The following NDST4 variants were observed in gnomAD, a reference collection of about 807,000 sequenced individuals.
The protein encoded by NDST4 is N-deacetylase and N-sulfotransferase 4.
Under a neutral mutation model 100.8 loss-of-function variants are expected in NDST4, and 63 were observed. The ratio of observed to expected loss-of-function variants is 0.62; its 90% CI spans 0.51 to 0.77. The LOEUF (loss-of-function observed/expected upper bound fraction) is 0.77, where lower values mean the gene tolerates loss of function less well. Among genes scored for constraint, NDST4 ranks in the 30% least tolerant of loss-of-function variants. The pLI is 0.00. For missense variants in NDST4, 943 were observed against 1,018.4 expected, an observed-to-expected ratio of 0.93 and a Z score of 1.01; for synonymous variants, 377 against 361.8, an observed-to-expected ratio of 1.04 and a Z score of -0.48.
intron 6 of NDST4, among the ~76,000 whole-genome samples, chr4:114,884,485 G>C (rs563302323): frequency 6.6e-6 from 1 of 152,238 alleles, no homozygotes; most frequent in South Asian, 2.1e-4. Context: ...GCACATGTGA[G>C]AGTTCTCAAC....
At chr4:114,995,024 A>G (rs1439729451) in intron 2 of NDST4, among the ~76,000 whole-genome samples, 3 of 152,078 alleles carry the variant, frequency 2.0e-5, no homozygotes, top group Non-Finnish European at 2.9e-5. Context: ...AACTTGGACC[A>G]GAAGTATAAA....
chr4:115,061,705 G>T (rs1001533417), intron 2 of NDST4, among the ~76,000 whole-genome samples: 1 of 151,862 alleles, frequency 6.6e-6, no homozygotes. Context: ...CAGGTTGATG[G>T]GTGCAGCAAA....
At chr4:115,106,805 C>T (rs928425409) in intron 1 of NDST4, among the ~76,000 whole-genome samples, 2 of 151,958 alleles carry the variant, frequency 1.3e-5, no homozygotes, top group African/African-American at 4.8e-5. Flanking sequence ...TGGTTCTTAC[C>T]GCCACCAATT....
chr4:114,935,983 CCT>C (rs1560820456), intron 5 of NDST4, among the ~76,000 whole-genome samples: 3 of 150,916 alleles, frequency 2.0e-5, no homozygotes, highest in Non-Finnish European at 4.4e-5. Flanking sequence ...CATCTAATTG[CCT>C]ACAGTTTTTT....
intron 1 of NDST4, among the ~76,000 whole-genome samples, chr4:115,110,594 T>G (rs1729933848): frequency 6.6e-6 from 1 of 151,984 alleles, no homozygotes. Flanking sequence ...TGTTTTGGCA[T>G]GTATCCATAT....
At chr4:114,996,964 A>G (rs1727178798) in intron 2 of NDST4, among the ~76,000 whole-genome samples, 1 of 152,066 alleles carries the variant, frequency 6.6e-6, no homozygotes, top group Admixed American at 6.6e-5. Context: ...GCTGCAGGGT[A>G]TTGTATTAAA....
At chr4:115,034,165 A>G (rs1421303999) in intron 2 of NDST4, among the ~76,000 whole-genome samples, 1 of 152,162 alleles carries the variant, frequency 6.6e-6, no homozygotes, top group East Asian at 1.9e-4. Context: ...GCAGGTTCAC[A>G]TTTCCTGCTG....
intron 2 of NDST4, among the ~76,000 whole-genome samples, chr4:114,992,448 C>T (rs1357273967): frequency 6.6e-6 from 1 of 151,596 alleles, no homozygotes; most frequent in African/African-American, 2.4e-5. Context: ...ACACATTACT[C>T]TTAATTAAAG....
At chr4:115,070,491 T>C (rs1729051688) in intron 2 of NDST4, among the ~76,000 whole-genome samples, 1 of 152,186 alleles carries the variant, frequency 6.6e-6, no homozygotes, top group Admixed American at 6.5e-5. Flanking sequence ...ACCTAATTGA[T>C]AGATAATATT....
intron 5 of NDST4, among the ~76,000 whole-genome samples, chr4:114,935,666 C>T (rs947136860): frequency 4.6e-5 from 7 of 152,190 alleles, no homozygotes; most frequent in Non-Finnish European, 8.8e-5. Flanking sequence ...TCCAAGGTTC[C>T]GTCTTTCATG....
At chr4:115,064,347 G>C (rs1578493875) in intron 2 of NDST4, among the ~76,000 whole-genome samples, 1 of 151,986 alleles carries the variant, frequency 6.6e-6, no homozygotes, top group East Asian at 1.9e-4. Context: ...TTTCTAGGCA[G>C]AACAACTAAA....
chr4:115,033,012 T>G (rs1728147054), intron 2 of NDST4, among the ~76,000 whole-genome samples: 1 of 151,372 alleles, frequency 6.6e-6, no homozygotes, highest in African/African-American at 2.4e-5. Flanking sequence ...CCACTAATAT[T>G]TTATCTTTTA....
At chr4:114,850,279 C>A (rs1723644524) in intron 8 of NDST4, among the ~76,000 whole-genome samples, 1 of 152,080 alleles carries the variant, frequency 6.6e-6, no homozygotes, top group South Asian at 2.1e-4. Context: ...CCCTGTTGGT[C>A]ACATAATCGT....
chr4:114,947,512 G>T (rs1725892788), intron 4 of NDST4, among the ~76,000 whole-genome samples: 2 of 152,112 alleles, frequency 1.3e-5, no homozygotes, highest in Admixed American at 6.5e-5. Flanking sequence ...CAAGAGAAAA[G>T]TTACAGGTAT....
At chr4:114,859,996 A>C (rs908578026) in intron 7 of NDST4, among the ~76,000 whole-genome samples, 1 of 152,164 alleles carries the variant, frequency 6.6e-6, no homozygotes, top group African/African-American at 2.4e-5. Context: ...ACTCAAATAC[A>C]TTTCTATCCC....
chr4:114,948,130 AT>A (rs949111860), intron 4 of NDST4, among the ~76,000 whole-genome samples: 3 of 152,068 alleles, frequency 2.0e-5, no homozygotes, highest in African/African-American at 4.8e-5. Flanking sequence ...TTAGCAATGG[AT>A]TTTTTTAAAT....
chr4:114,967,897 G>A (rs938264592), intron 4 of NDST4, among the ~76,000 whole-genome samples: 1 of 152,200 alleles, frequency 6.6e-6, no homozygotes, highest in Non-Finnish European at 1.5e-5. Context: ...TGTGCCAGCC[G>A]CTGCTCTAAG....
At chr4:114,963,601 T>C (rs1308383791) in intron 4 of NDST4, among the ~76,000 whole-genome samples, 2 of 152,184 alleles carry the variant, frequency 1.3e-5, no homozygotes, top group African/African-American at 4.8e-5. Flanking sequence ...TCAATAAAGC[T>C]GCTAAAATGA....
chr4:115,083,091 T>C (rs148818539), intron 1 of NDST4, among the ~76,000 whole-genome samples: 2 of 152,284 alleles, frequency 1.3e-5, no homozygotes, highest in African/African-American at 4.8e-5. Flanking sequence ...CGTTTTTTTG[T>C]TGGCTTTTAA....
Sources: gnomAD v4.1 joint callset for allele counts (sites outside exome capture counted in the v4.1 genomes callset) on GRCh38, gnomAD v4.1.1 for gene constraint, MANE v1.5 for transcripts, NCBI Gene and HGNC (gene_info 2026-07-23, HGNC 2026-07-21) for gene names.